Variants in CELA3B observed in about 807,000 individuals in gnomAD.
CELA3B encodes the protein chymotrypsin-like elastase family member 3B.
CELA3B carries 34 observed loss-of-function variants against 37.2 expected under a neutral mutation model. The observed-to-expected ratio is 0.91, with a 90% CI of 0.70 to 1.22. The LOEUF is 1.22. Among genes scored for constraint, CELA3B ranks in the 50% most tolerant of loss-of-function variants. The pLI, the probability that CELA3B is intolerant of heterozygous loss-of-function variation, is 0.00. For missense variants in CELA3B, 340 were observed against 363.1 expected (o/e 0.94, Z 0.52); for synonymous variants, 127 against 143.5 (o/e 0.89, Z 0.82).
At chr1:21,997,080 C>T (rs1473979089) in intron 4 of CELA3B, among the ~76,000 whole-genome samples, 1 of 151,362 alleles carries the variant, frequency 6.6e-6, no homozygotes, top group Non-Finnish European at 1.5e-5. Flanking sequence ...TAAAGTCCCG[C>T]CGGGCGTGGT....
chr1:21,981,765 G>T (rs867235923), intron 4 of CELA3B, among the ~76,000 whole-genome samples: 1 of 149,220 alleles, frequency 6.7e-6, no homozygotes, highest in Admixed American at 6.8e-5. Flanking sequence ...TCGCTCTGTC[G>T]CCCAGGCTGG....
Position 21,981,128 on chromosome 1 carries a change from C to T in CELA3B, c.318C>T (p.Asp106=), listed in dbSNP as rs140080783. 3 of 1,612,888 alleles carry T rather than the reference C, an allele frequency of 1.9e-6. No homozygotes were observed. The highest frequency in any genetic ancestry group is 2.5e-6 in the Non-Finnish European group (3 of 1,180,018). Residue 106 remains aspartate (D), a synonymous_variant, in exon 4 of 8, where the codon GAC becomes GAT. Coordinates refer to ENST00000337107, the MANE Select transcript of CELA3B (RefSeq NM_007352.4). ...AGGTGATCCCCATCAACTCTGGGGACCTCTTTGTGCATCCACTCTGGAACC... is the reference window on the plus strand; with the variant it reads ...AGGTGATCCCCATCAACTCTGGGGATCTCTTTGTGCATCCACTCTGGAACC... The part of the protein sequence containing the change: ...PEQVIPINSG[D]LFVHPLWNRS...
intron 1 of CELA3B, 77 bp downstream of exon 1, chr1:21,977,159 G>T: frequency 6.3e-7 from 1 of 1,597,368 alleles, no homozygotes; most frequent in Non-Finnish European, 8.6e-7. Flanking sequence ...CTTGCTCTAA[G>T]TCCCATGACA....
At chr1:21,996,793 C>T (rs1458068057) in intron 4 of CELA3B, among the ~76,000 whole-genome samples, 1 of 150,828 alleles carries the variant, frequency 6.6e-6, no homozygotes, top group East Asian at 2.0e-4. Context: ...ATGATGCCTT[C>T]CCTGGGACAA....
rs941406094 is a variant in CELA3B at position 21,994,595 on chromosome 1, G to A, written c.505-3556G>A. Among the ~76,000 whole-genome samples the A allele has an allele frequency of 3.3e-5, 5 of 151,234 alleles. 1 individual carries two copies. Among genetic ancestry groups the A allele is most frequent in the African/African-American group, 2.4e-5 (1 of 40,906 alleles). ...CATCCTGAGGAGGAAGCCAGCAGCC[G>A]GTGTGGGGCAGAGCCAGTGGAACGG... On this transcript the variant is annotated intron_variant, in intron 4 of 4. Coordinates refer to the CELA3B transcript ENST00000400277.
At chr1:21,980,963 T>G (rs574149304) in intron 3 of CELA3B, 42 bp downstream of exon 3, 40 of 1,613,938 alleles carry the variant, frequency 2.5e-5, no homozygotes, top group South Asian at 3.3e-5. Context: ...CCCGGGCAGC[T>G]GGGGAGGGTG....
At chr1:21,979,601 T>C (rs4417037) in intron 2 of CELA3B, among the ~76,000 whole-genome samples, 142,352 of 150,418 alleles carry the variant, frequency 0.95, 67,721 homozygotes, top group Non-Finnish European at 0.99. Flanking sequence ...TACAGGCATG[T>C]GCCACCATGC....
chr1:21,996,197 C>T (rs1259196289), intron 4 of CELA3B, among the ~76,000 whole-genome samples: 1 of 151,004 alleles, frequency 6.6e-6, no homozygotes, highest in Non-Finnish European at 1.5e-5. Context: ...TGAGCGACAG[C>T]CAGGTAAAAT....
At position 21,986,607 on chromosome 1, in the gene CELA3B, C is replaced by A; in HGVS notation, c.719C>A (p.Ser240Tyr). 6.2e-7 allele frequency: 1 copy of A among 1,614,128 alleles called. No individual in the cohort carries two copies. ...GTCCATGGCGTGACCAGCTTTGTTT[C>A]TGCCTTTGGCTGCAACACCCGCAGG... ...WQVHGVTSFV[S>Y]AFGCNTRRKP... The change falls in exon 7 of 8, where the codon TCT (serine) becomes TAT (tyrosine). Residue 240 changes from serine (S) to tyrosine (Y), a missense_variant. Physicochemically the swap from Ser to Tyr is moderately radical, Grantham distance 144. Coordinates refer to ENST00000337107, the MANE Select transcript of CELA3B (RefSeq NM_007352.4).
chr1:21,981,690 A>G (rs1018284194), intron 4 of CELA3B, among the ~76,000 whole-genome samples: 4 of 151,792 alleles, frequency 2.6e-5, no homozygotes, highest in Admixed American at 1.3e-4. Context: ...GTGAAGGCCA[A>G]GGAGACAATC....
At chr1:21,981,780 C>T (rs1302515381) in intron 4 of CELA3B, among the ~76,000 whole-genome samples, 1 of 150,894 alleles carries the variant, frequency 6.6e-6, no homozygotes, top group Non-Finnish European at 1.5e-5. Flanking sequence ...GGCTGGAGTA[C>T]AGTGGCACGA....
At chr1:21,979,478 G>T (rs574440736) in intron 2 of CELA3B, among the ~76,000 whole-genome samples, 1 of 134,274 alleles carries the variant, frequency 7.4e-6, no homozygotes, top group African/African-American at 2.9e-5. Flanking sequence ...TTTGAGACAG[G>T]GTCTTGCTGT....
chr1:21,998,600 C>T (rs1644900942), exon 5 of CELA3B: 1 of 157,658 alleles, frequency 6.3e-6, no homozygotes, highest in Non-Finnish European at 1.4e-5. Flanking sequence ...TCCCTTCCTT[C>T]ATTCATTTGT....
chr1:21,983,868 G>A (rs1644821613), intron 5 of CELA3B, 38 bp downstream of exon 5: 5 of 1,609,602 alleles, frequency 3.1e-6, no homozygotes, highest in Non-Finnish European at 4.2e-6. Context: ...CAGGGACAGT[G>A]GCAGAAAGAC....
chr1:21,996,486 G>T (rs944204320), intron 4 of CELA3B, among the ~76,000 whole-genome samples: 5 of 151,110 alleles, frequency 3.3e-5, no homozygotes, highest in Non-Finnish European at 5.9e-5. Context: ...CTAAAATAAG[G>T]GGAGGCATGA....
chr1:21,979,159 G>T (rs184826684), intron 2 of CELA3B, among the ~76,000 whole-genome samples: 1 of 150,642 alleles, frequency 6.6e-6, no homozygotes, highest in Non-Finnish European at 1.5e-5. Flanking sequence ...TGCAACCTCT[G>T]CCACCCGGGT....
intron 4 of CELA3B, among the ~76,000 whole-genome samples, chr1:21,997,639 A>T (rs182611207): frequency 6.6e-6 from 1 of 150,862 alleles, no homozygotes; most frequent in Non-Finnish European, 1.5e-5. Flanking sequence ...CAGTGAGCCG[A>T]GATCTAGCCA....
At chr1:21,988,169 G>A (rs1403014820) in intron 7 of CELA3B, among the ~76,000 whole-genome samples, 4 of 151,630 alleles carry the variant, frequency 2.6e-5, no homozygotes, top group East Asian at 1.9e-4. Context: ...CCGAGATTAC[G>A]CCACTGCACT....
chr1:21,983,880 G>A (rs1236278395), intron 5 of CELA3B, 50 bp downstream of exon 5: 14 of 1,591,958 alleles, frequency 8.8e-6, no homozygotes, highest in Non-Finnish European at 1.2e-5. Context: ...CAGAAAGACA[G>A]GGCCTGGGGG....
Sources: gnomAD v4.1 joint callset for allele counts (sites outside exome capture counted in the v4.1 genomes callset) on GRCh38, gnomAD v4.1.1 for gene constraint, MANE v1.5 for transcripts, NCBI Gene and HGNC (gene_info 2026-07-23, HGNC 2026-07-21) for gene names.